Variants in PRKN observed in about 807,000 individuals in gnomAD.
PRKN encodes parkin RBR E3 ubiquitin protein ligase.
Under a neutral mutation model 59.5 loss-of-function variants are expected in PRKN, and 56 were observed. The observed-to-expected ratio is 0.94, with a 90% confidence interval of 0.76 to 1.18. The LOEUF (loss-of-function observed/expected upper bound fraction) is 1.18. Ranked by LOEUF, PRKN falls within the 50% of genes most tolerant of loss-of-function variation. PRKN has a pLI of 0.00. For missense variants in PRKN, 657 were observed against 596.4 expected (o/e 1.10, Z -1.06); for synonymous variants, 250 against 222.1 (o/e 1.13, Z -1.12).
At chr6:162,109,891 C>T (rs1335340462) in intron 4 of PRKN, among the ~76,000 whole-genome samples, 1 of 152,082 alleles carries the variant, frequency 6.6e-6, no homozygotes, top group Non-Finnish European at 1.5e-5. Flanking sequence ...ATACAATATC[C>T]CCAAGCTTAA....
chr6:161,439,532 C>T (rs1789091185), intron 9 of PRKN, among the ~76,000 whole-genome samples: 1 of 152,192 alleles, frequency 6.6e-6, no homozygotes, highest in South Asian at 2.1e-4. Context: ...ATCTGGGCGC[C>T]ATTAACTGCG....
intron 5 of PRKN, among the ~76,000 whole-genome samples, chr6:162,002,847 C>T (rs1782109694): frequency 6.6e-6 from 1 of 152,054 alleles, no homozygotes; most frequent in Admixed American, 6.6e-5. Flanking sequence ...CATCTGATTT[C>T]AAATACTCTT....
chr6:162,314,880 T>C (rs1232325252), intron 2 of PRKN, among the ~76,000 whole-genome samples: 2 of 152,130 alleles, frequency 1.3e-5, no homozygotes, highest in Admixed American at 6.5e-5. Flanking sequence ...GTAAAATCTG[T>C]ATGCGTTTCA....
intron 2 of PRKN, among the ~76,000 whole-genome samples, chr6:162,284,215 CTTTTTT>C (rs35609309): frequency 0.11 from 8,102 of 75,430 alleles, 281 homozygotes; most frequent in South Asian, 0.28. Context: ...TTATTTCTTT[CTTTTTT>C]TTTTTTTTTT....
At chr6:161,625,659 C>T (rs931186368) in intron 7 of PRKN, among the ~76,000 whole-genome samples, 14 of 152,266 alleles carry the variant, frequency 9.2e-5, no homozygotes, top group African/African-American at 1.4e-4. Context: ...AGCAATGTGG[C>T]GGCTACGTAG....
intron 6 of PRKN, among the ~76,000 whole-genome samples, chr6:161,959,506 A>C (rs753815650): frequency 1.3e-5 from 2 of 152,216 alleles, no homozygotes; most frequent in Non-Finnish European, 2.9e-5. Flanking sequence ...GAGAAGTCTT[A>C]TCTTTCCCAA....
intron 9 of PRKN, among the ~76,000 whole-genome samples, chr6:161,431,120 C>T (rs1200090223): frequency 2.3e-5 from 3 of 132,030 alleles, no homozygotes; most frequent in African/African-American, 8.8e-5. Flanking sequence ...GCCTGGGCAA[C>T]AGAGCGAGAC....
In PRKN at chr6:161,902,007, G is replaced by A. The variant is rs79814481; in HGVS notation, c.734+71295C>T. Among the ~76,000 whole-genome samples, 1,464 of 152,236 alleles carry A rather than the reference G, an allele frequency of 9.6e-3. 20 individuals carry two copies. Among genetic ancestry groups the A allele is most frequent in the African/African-American group, 0.033 (1,374 of 41,542 alleles). ...ATCAGAGCGTGTGATGCTGACACAC[G>A]GGGCTTTGCTTCCGAATGGTACTTT... On this transcript the variant is annotated intron_variant, in intron 6 of 11. Coordinates refer to ENST00000366898, the MANE Select transcript of PRKN (RefSeq NM_004562.3).
At position 161,349,815 on chromosome 6, in the gene PRKN, CT is replaced by C. The variant is rs747153578; in HGVS notation, c.*283del. ...TGTGTCATCCGGAGGCTGAGAACGC[CT>C]GTTGGTGGTGTCGCAGATGGCTCTG... On this transcript the variant is annotated 3_prime_UTR_variant, in exon 12 of 12. Coordinates refer to ENST00000366898, the MANE Select transcript of PRKN (RefSeq NM_004562.3). The surrounding 1 kb of genome is among the most constrained non-coding windows in gnomAD (Gnocchi z 5.5). The C allele has an allele frequency of 3.8e-6, 2 of 525,924 alleles. No individual in the cohort carries two copies. The highest frequency in any genetic ancestry group is 7.0e-6 in the Non-Finnish European group (2 of 287,668). 32.6% of individuals were successfully genotyped at this position (525,924 alleles called of 1,614,324 possible).
chr6:161,610,884 A>G (rs1459745160), intron 7 of PRKN, among the ~76,000 whole-genome samples: 1 of 152,196 alleles, frequency 6.6e-6, no homozygotes, highest in East Asian at 1.9e-4. Context: ...GGTGGTCACA[A>G]GGTGTCACCG....
chr6:162,379,236 G>A (rs1228926940), intron 2 of PRKN, among the ~76,000 whole-genome samples: 1 of 151,962 alleles, frequency 6.6e-6, no homozygotes, highest in Non-Finnish European at 1.5e-5. Context: ...GAAGATGGCT[G>A]GATACCAGCA....
intron 2 of PRKN, among the ~76,000 whole-genome samples, chr6:162,354,543 T>C (rs1047046274): frequency 2.6e-5 from 4 of 152,062 alleles, no homozygotes; most frequent in Admixed American, 2.0e-4. Context: ...GAAGTATGCA[T>C]AAAAATAAGA....
intron 1 of PRKN, among the ~76,000 whole-genome samples, chr6:162,510,874 G>C (rs1249791104): frequency 6.6e-6 from 1 of 152,032 alleles, no homozygotes; most frequent in Non-Finnish European, 1.5e-5. Flanking sequence ...GGTGAGCCGA[G>C]ATTGTGCCAC....
chr6:161,704,853 G>C (rs1422785383), intron 7 of PRKN, among the ~76,000 whole-genome samples: 3 of 152,178 alleles, frequency 2.0e-5, no homozygotes. Flanking sequence ...GCTATAAAGA[G>C]GGTTGTTCAG....
chr6:162,306,397 G>C (rs1782228593), intron 2 of PRKN, among the ~76,000 whole-genome samples: 1 of 152,184 alleles, frequency 6.6e-6, no homozygotes, highest in Non-Finnish European at 1.5e-5. Context: ...TTTCCAATAT[G>C]AGTAATTACT....
chr6:161,928,993 G>A (rs1431487467), intron 6 of PRKN, among the ~76,000 whole-genome samples: 2 of 151,986 alleles, frequency 1.3e-5, no homozygotes, highest in Admixed American at 6.6e-5. Context: ...AAGTACAAAC[G>A]AGGACTCAAA....
intron 7 of PRKN, among the ~76,000 whole-genome samples, chr6:161,628,804 G>T (rs1434907030): frequency 6.6e-6 from 1 of 152,168 alleles, no homozygotes; most frequent in East Asian, 1.9e-4. Context: ...TGGCCCTGTG[G>T]GGATGTAGAG....
At chr6:162,719,894 C>CA (rs56395129) in intron 1 of PRKN, among the ~76,000 whole-genome samples, 65 of 144,078 alleles carry the variant, frequency 4.5e-4, no homozygotes, top group South Asian at 4.4e-3. Context: ...AGGTAGATGT[C>CA]AAAAAAAAAA....
intron 2 of PRKN, among the ~76,000 whole-genome samples, chr6:162,424,870 G>A (rs1005599363): frequency 1.3e-5 from 2 of 152,048 alleles, no homozygotes; most frequent in Non-Finnish European, 2.9e-5. Context: ...CAATTTTGCT[G>A]TGAACCCAGA....
Sources: allele counts gnomAD v4.1 joint callset (sites outside exome capture counted in the v4.1 genomes callset), GRCh38; gene constraint gnomAD v4.1.1; non-coding constraint Gnocchi (gnomAD v3.1); transcripts MANE v1.5; gene names NCBI Gene and HGNC (gene_info 2026-07-23, HGNC 2026-07-21).